The following PCDH15 variants were observed in gnomAD, a reference collection of about 807,000 sequenced individuals.
The protein encoded by PCDH15 is protocadherin-15.
PCDH15 carries 129 observed loss-of-function variants against 178.5 expected under a neutral mutation model. That is an observed-to-expected ratio of 0.72 (90% CI 0.63 to 0.84). The LOEUF is 0.84. Ranked by LOEUF, PCDH15 falls within the 40% of genes least tolerant of loss-of-function variation. PCDH15 has a pLI of 0.00. For missense variants in PCDH15, 2,230 were observed against 2,099.9 expected (o/e 1.06, Z -1.21); for synonymous variants, 800 against 732.0 (o/e 1.09, Z -1.50).
intron 2 of PCDH15, among the ~76,000 whole-genome samples, chr10:54,580,838 C>T (rs2090969838): frequency 6.6e-6 from 1 of 151,938 alleles, no homozygotes; most frequent in Admixed American, 6.6e-5. Flanking sequence ...AAATTAAAAA[C>T]AAAAACCATG....
At chr10:55,167,356 T>G (rs750706833) in intron 1 of PCDH15, among the ~76,000 whole-genome samples, 4 of 152,240 alleles carry the variant, frequency 2.6e-5, no homozygotes, top group Non-Finnish European at 4.4e-5. Flanking sequence ...GCTCAAGTGA[T>G]TCTCCCACCT....
At chr10:54,994,146 T>C (rs1289077947) in intron 2 of PCDH15, among the ~76,000 whole-genome samples, 2 of 152,188 alleles carry the variant, frequency 1.3e-5, no homozygotes, top group African/African-American at 4.8e-5. Flanking sequence ...TAAAAAATGA[T>C]GTTTTCCCTT....
chr10:53,961,273 C>T (rs2088280165), intron 22 of PCDH15, among the ~76,000 whole-genome samples: 7 of 151,770 alleles, frequency 4.6e-5, no homozygotes, highest in Admixed American at 4.6e-4. Flanking sequence ...AAATGATATT[C>T]ATACAAGTAG....
intron 2 of PCDH15, among the ~76,000 whole-genome samples, chr10:55,043,344 C>T (rs1840915357): frequency 6.6e-6 from 1 of 151,840 alleles, no homozygotes; most frequent in African/African-American, 2.4e-5. Flanking sequence ...ATGCACTCAC[C>T]TGACTAATTT....
At chr10:55,285,823 G>A (rs1322848649) in intron 1 of PCDH15, among the ~76,000 whole-genome samples, 1 of 151,830 alleles carries the variant, frequency 6.6e-6, no homozygotes, top group Admixed American at 6.6e-5. Context: ...AGATGGTTCT[G>A]GAATGGCAAG....
chr10:54,926,404 A>C (rs1837627054), intron 2 of PCDH15, among the ~76,000 whole-genome samples: 1 of 151,890 alleles, frequency 6.6e-6, no homozygotes, highest in African/African-American at 2.4e-5. Flanking sequence ...ATTGGCCTGA[A>C]GTTTTTTTGT....
chr10:55,403,551 G>A (rs1838125601), intron 2 of PCDH15, among the ~76,000 whole-genome samples: 1 of 151,778 alleles, frequency 6.6e-6, no homozygotes, highest in South Asian at 2.1e-4. Flanking sequence ...TATATGGTGA[G>A]AGATAGGGGT....
intron 18 of PCDH15, among the ~76,000 whole-genome samples, chr10:54,028,656 G>T (rs546996387): frequency 1.0e-3 from 152 of 148,772 alleles, no homozygotes; most frequent in African/African-American, 3.7e-3. Flanking sequence ...GATGAAATTG[G>T]AAATCATCAT....
At chr10:54,704,821 T>C (rs1030622494) in intron 1 of PCDH15, among the ~76,000 whole-genome samples, 5 of 152,128 alleles carry the variant, frequency 3.3e-5, no homozygotes, top group African/African-American at 1.2e-4. Context: ...ATCCCATTAA[T>C]TGAGCACATT....
intron 1 of PCDH15, among the ~76,000 whole-genome samples, chr10:55,186,880 A>T (rs1839814261): frequency 6.6e-6 from 1 of 151,840 alleles, no homozygotes; most frequent in Non-Finnish European, 1.5e-5. Flanking sequence ...AAATTCACCA[A>T]GCTTATATTT....
At chr10:53,959,703 G>A (rs753428044) in intron 23 of PCDH15, 29 bp downstream of exon 23, 3 of 1,522,924 alleles carry the variant, frequency 2.0e-6, no homozygotes, top group Middle Eastern at 1.7e-4. Context: ...AACATTTCGT[G>A]TATTTCAAAA....
intron 2 of PCDH15, among the ~76,000 whole-genome samples, chr10:54,546,346 G>A (rs1237409539): frequency 6.6e-6 from 1 of 152,028 alleles, no homozygotes; most frequent in Non-Finnish European, 1.5e-5. Flanking sequence ...TATAAAGCAG[G>A]TTTTAGAACT....
chr10:54,911,698 T>C (rs1335996126), intron 2 of PCDH15, among the ~76,000 whole-genome samples: 5 of 152,122 alleles, frequency 3.3e-5, no homozygotes, highest in Non-Finnish European at 5.9e-5. Context: ...TTGGGGTCGG[T>C]TTCTTCCATG....
At chr10:53,869,182 T>C (rs2079656674) in intron 26 of PCDH15, among the ~76,000 whole-genome samples, 1 of 152,210 alleles carries the variant, frequency 6.6e-6, no homozygotes. Context: ...GCTTACAGCA[T>C]GGCAGAGCTC....
At chr10:54,299,586 A>C (rs990337548) in intron 8 of PCDH15, among the ~76,000 whole-genome samples, 5 of 152,226 alleles carry the variant, frequency 3.3e-5, no homozygotes, top group African/African-American at 1.2e-4. Context: ...TCCTTAACCC[A>C]GCAGGTTTCC....
chr10:54,697,494 G>A (rs1020960878), intron 1 of PCDH15, among the ~76,000 whole-genome samples: 3 of 143,038 alleles, frequency 2.1e-5, no homozygotes, highest in Non-Finnish European at 3.0e-5. Context: ...TATGTATATC[G>A]CTATGCTTAT....
intron 13 of PCDH15, among the ~76,000 whole-genome samples, chr10:54,162,438 G>A (rs2133458696): frequency 6.6e-6 from 1 of 152,234 alleles, no homozygotes; most frequent in Non-Finnish European, 1.5e-5. Flanking sequence ...ATGAAAGGCT[G>A]TCTGTGTTGA....
At chr10:55,061,852 T>C (rs1225611137) in intron 2 of PCDH15, among the ~76,000 whole-genome samples, 1 of 152,082 alleles carries the variant, frequency 6.6e-6, no homozygotes, top group Non-Finnish European at 1.5e-5. Flanking sequence ...AAACCCCGAC[T>C]CTACTAAAAA....
intron 14 of PCDH15, among the ~76,000 whole-genome samples, chr10:54,142,201 G>A (rs1311835369): frequency 6.6e-6 from 1 of 151,988 alleles, no homozygotes; most frequent in Non-Finnish European, 1.5e-5. Flanking sequence ...TAAGCTCCAA[G>A]CCACTGTGTT....
Sources: allele counts gnomAD v4.1 joint callset (sites outside exome capture counted in the v4.1 genomes callset), GRCh38; gene constraint gnomAD v4.1.1; transcripts MANE v1.5; gene names NCBI Gene and HGNC (gene_info 2026-07-23, HGNC 2026-07-21).